The following PDXDC1 variants were observed in gnomAD, a reference collection of about 807,000 sequenced individuals.
The protein encoded by PDXDC1 is pyridoxal-dependent decarboxylase domain-containing protein 1.
In PDXDC1, 42 loss-of-function variants were observed where a neutral mutation model predicts 100.1. The observed-to-expected ratio is 0.42, with a 90% CI of 0.33 to 0.54. The LOEUF (loss-of-function observed/expected upper bound fraction) is 0.54, where lower values mean the gene tolerates loss of function less well. Ranked by LOEUF, PDXDC1 falls within the 20% of genes least tolerant of loss-of-function variation. The pLI is 0.10. For missense variants in PDXDC1, 636 were observed against 979.2 expected (o/e 0.65, Z 4.68); for synonymous variants, 260 against 371.7 (o/e 0.70, Z 3.46).
chr16:15,031,346 C>T (rs962150098), intron 16 of PDXDC1, among the ~76,000 whole-genome samples: 2 of 152,120 alleles, frequency 1.3e-5, no homozygotes, highest in African/African-American at 4.8e-5. Context: ...TGTGTGGGGA[C>T]AGCAGCCCAC....
downstream of PDXDC1, among the ~76,000 whole-genome samples, chr16:15,143,094 G>C (rs1346914022): frequency 6.6e-6 from 1 of 152,114 alleles, no homozygotes; most frequent in Admixed American, 6.5e-5. Context: ...ACACCCCCAT[G>C]GGGGGCAGGA....
intron 3 of PDXDC1, among the ~76,000 whole-genome samples, chr16:15,000,083 T>C (rs1360231143): frequency 6.6e-6 from 1 of 152,286 alleles, no homozygotes; most frequent in African/African-American, 2.4e-5. Flanking sequence ...CATTCTCAGC[T>C]CAGAACAGGA....
intron 16 of PDXDC1, among the ~76,000 whole-genome samples, chr16:15,050,389 C>A (rs2044248569): frequency 6.6e-6 from 1 of 152,188 alleles, no homozygotes; most frequent in South Asian, 2.1e-4. Flanking sequence ...CTATCAGCTT[C>A]TTGCCATTTC....
At chr16:14,975,759 C>T (rs1350097116) in intron 1 of PDXDC1, 3 of 868,204 alleles carry the variant, frequency 3.5e-6, no homozygotes, top group Non-Finnish European at 4.1e-6. Context: ...GGGGTCAGAA[C>T]CTCTGGGGGC....
In PDXDC1 at chr16:14,975,058, C is replaced by A; in HGVS notation, c.-142C>A. 6.6e-7 allele frequency: 1 copy of A among 1,513,090 alleles called. No individual in the cohort carries two copies. The highest frequency in any genetic ancestry group is 8.8e-7 in the Non-Finnish European group (1 of 1,138,584). The allele number at this position is 1,513,090 out of a possible 1,614,324, so 93.7% of individuals were successfully genotyped here. A position where few individuals can be genotyped will look rare whatever the true frequency, so the allele number is the denominator to read the frequency against. ...CCATCAGGTTCGGCAGCCCGCGGCG[C>A]CGCCTGGCAGCTCCTCCTCTTCTCC... On this transcript the variant is annotated 5_prime_UTR_variant, in exon 1 of 23. Coordinates refer to ENST00000396410, the MANE Select transcript of PDXDC1 (RefSeq NM_015027.4).
chr16:15,125,742 G>C (rs1243693629), intron 16 of PDXDC1: 6 of 1,495,454 alleles, frequency 4.0e-6, no homozygotes, highest in Middle Eastern at 2.4e-4. Flanking sequence ...GCACGGACGA[G>C]TCCAGGCAGC....
chr16:15,137,455 A>C (rs1317963028), intron 16 of PDXDC1: 11 of 1,152,708 alleles, frequency 9.5e-6, no homozygotes, highest in Non-Finnish European at 1.3e-5. Context: ...CCTCTGGCTG[A>C]AGCAGGCCTT....
At chr16:15,078,469 G>A (rs1216584399) in intron 16 of PDXDC1, among the ~76,000 whole-genome samples, 1 of 151,996 alleles carries the variant, frequency 6.6e-6, no homozygotes, top group Non-Finnish European at 1.5e-5. Flanking sequence ...CGTCTTCACT[G>A]ACATGGTCCT....
intron 16 of PDXDC1, among the ~76,000 whole-genome samples, chr16:15,090,677 A>G (rs1229549722): frequency 6.6e-6 from 1 of 152,228 alleles, no homozygotes; most frequent in Non-Finnish European, 1.5e-5. Flanking sequence ...CAGAGAGGTT[A>G]AAACAATTTG....
chr16:15,048,146 A>T, intron 16 of PDXDC1: 1 of 1,354,582 alleles, frequency 7.4e-7, no homozygotes, highest in Non-Finnish European at 1.0e-6. Context: ...ATTAGTGAGG[A>T]TGGAAAAACT....
At position 15,038,087 on chromosome 16, in the gene PDXDC1, G is replaced by A; in HGVS notation, c.*1812G>A. ...AAGCCATCTTCATTTTTTTTGTAGAGTAGGGCTTTATTTCCAGAAAACAGT... is the reference window on the plus strand; with the variant it reads ...AAGCCATCTTCATTTTTTTTGTAGAATAGGGCTTTATTTCCAGAAAACAGT... On this transcript the variant is annotated 3_prime_UTR_variant, in exon 23 of 23. Coordinates refer to ENST00000396410, the MANE Select transcript of PDXDC1 (RefSeq NM_015027.4). 6.2e-7 allele frequency: 1 copy of A among 1,612,798 alleles called. No homozygotes were observed. Among genetic ancestry groups the A allele is most frequent in the Non-Finnish European group, 8.5e-7 (1 of 1,179,066 alleles).
At chr16:15,097,032 C>T (rs1340839442) in intron 16 of PDXDC1, among the ~76,000 whole-genome samples, 2 of 152,080 alleles carry the variant, frequency 1.3e-5, no homozygotes, top group Admixed American at 1.3e-4. Flanking sequence ...GAGGCTGAGG[C>T]AGGAGGATAA....
chr16:15,001,824 T>C lies in PDXDC1; in HGVS notation c.210T>C (p.His70=). The change falls in exon 4 of 23, where the codon CAT becomes CAC. Residue 70 remains histidine (H), a synonymous_variant. Transcript: ENST00000396410. ...TCCAGTTAGTTCAGAATCTCATGCATGGAGATGAAGATGAGGAGCCCCAGA... is the reference window on the plus strand; with the variant it reads ...TCCAGTTAGTTCAGAATCTCATGCACGGAGATGAAGATGAGGAGCCCCAGA... ...SILQLVQNLM[H]GDEDEEPQSP... 6.2e-7 allele frequency: 1 copy of C among 1,610,828 alleles called. No homozygotes were observed. The highest frequency in any genetic ancestry group is 8.5e-7 in the Non-Finnish European group (1 of 1,179,772).
intron 16 of PDXDC1, chr16:15,131,035 C>T (rs527292919): frequency 2.7e-5 from 39 of 1,440,144 alleles, no homozygotes; most frequent in African/African-American, 1.4e-4. Flanking sequence ...GAAACGCCTT[C>T]CCCCCAAGAA....
intron 16 of PDXDC1, chr16:15,085,605 A>C (rs753121824): frequency 2.5e-6 from 4 of 1,603,620 alleles, no homozygotes; most frequent in African/African-American, 2.7e-5. Context: ...GGTGAAAGCT[A>C]CTGTGCCCAG....
chr16:15,130,211 A>G (rs1263140623), intron 16 of PDXDC1: 3 of 1,550,632 alleles, frequency 1.9e-6, no homozygotes, highest in Non-Finnish European at 1.7e-6. Context: ...CAGGAAACAC[A>G]AAGCGTACAT....
rs2041617094 is a variant in PDXDC1, at chr16:15,014,341, G to C, written c.728-1788G>C. ...TATTCAATCACATGATAAACTGGAG[G>C]GGCTGCAGTTTGCATGTGACTGAGT... On this transcript the variant is annotated intron_variant, in intron 8 of 22. Coordinates refer to ENST00000396410, the MANE Select transcript of PDXDC1 (RefSeq NM_015027.4). Among the ~76,000 whole-genome samples the C allele has an allele frequency of 2.6e-5, 4 of 152,408 alleles. No homozygotes were observed. In the South Asian group the frequency reaches 8.3e-4, roughly 32 times the overall value.
chr16:14,991,112 T>C (rs1970681333), intron 1 of PDXDC1, among the ~76,000 whole-genome samples: 1 of 152,292 alleles, frequency 6.6e-6, no homozygotes, highest in Non-Finnish European at 1.5e-5. Context: ...AGTCAGAGAT[T>C]CACCTGGGGA....
intron 16 of PDXDC1, among the ~76,000 whole-genome samples, chr16:15,063,943 CT>C (rs977218105): frequency 7.9e-5 from 12 of 152,074 alleles, no homozygotes; most frequent in African/African-American, 2.9e-4. Flanking sequence ...CTGGAACTCT[CT>C]TTTTTATATT....
Sources: gnomAD v4.1 joint callset for allele counts (sites outside exome capture counted in the v4.1 genomes callset) on GRCh38, gnomAD v4.1.1 for gene constraint, MANE v1.5 for transcripts, NCBI Gene and HGNC (gene_info 2026-07-23, HGNC 2026-07-21) for gene names.